Variants in KIF19 observed in about 807,000 individuals in gnomAD.
The protein encoded by KIF19 is kinesin family member 19, also known as kinesin-like protein KIF19.
A neutral mutation model predicts 106.6 loss-of-function variants in KIF19; 98 were observed. That is an observed-to-expected ratio of 0.92 (90% confidence interval 0.78 to 1.09). The LOEUF (loss-of-function observed/expected upper bound fraction) is 1.09. Among genes scored for constraint, KIF19 ranks in the 50% least tolerant of loss-of-function variants. The pLI is 0.00. For synonymous variants in KIF19, 516 were observed against 584.2 expected, an observed-to-expected ratio of 0.88 and a Z score of 1.68; for missense variants, 1,373 against 1,414.3, an observed-to-expected ratio of 0.97 and a Z score of 0.47.
chr17:74,332,230 G>GTA (rs2054115146), intron 2 of KIF19, among the ~76,000 whole-genome samples: 1 of 133,244 alleles, frequency 7.5e-6, no homozygotes, highest in African/African-American at 2.8e-5. Flanking sequence ...GTGTGTGTGT[G>GTA]TGTGTGTGTG....
At chr17:74,348,422 C>T (rs980020208) in intron 9 of KIF19, among the ~76,000 whole-genome samples, 9 of 152,266 alleles carry the variant, frequency 5.9e-5, no homozygotes, top group Admixed American at 2.6e-4. Flanking sequence ...TTTCCAAGTC[C>T]GTGTCCTCAC....
chr17:74,353,072 G>T (rs2054765295), intron 15 of KIF19, 118 bp downstream of exon 15: 1 of 1,443,708 alleles, frequency 6.9e-7, no homozygotes, highest in Admixed American at 2.0e-5. Flanking sequence ...GGTGGCCCAG[G>T]TCTGGAGCCA....
intron 2 of KIF19, among the ~76,000 whole-genome samples, chr17:74,340,555 G>GCACACACA: frequency 4.5e-4 from 67 of 148,298 alleles, no homozygotes; most frequent in Admixed American, 2.2e-3. Context: ...ATGCGCGCGC[G>GCACACACA]TACACACACA....
chr17:74,339,507 C>T (rs4789650), intron 2 of KIF19, among the ~76,000 whole-genome samples: 49,522 of 149,648 alleles, frequency 0.33, 9,149 homozygotes, highest in Admixed American at 0.51. Flanking sequence ...CTACCTCCCT[C>T]GCCCCCTTCC....
intron 2 of KIF19, among the ~76,000 whole-genome samples, chr17:74,339,732 C>T (rs1262458557): frequency 6.6e-6 from 1 of 152,230 alleles, no homozygotes; most frequent in Non-Finnish European, 1.5e-5. Context: ...GCCAGGACCC[C>T]AGGGAGCCCA....
Position 74,350,543 on chromosome 17 carries a change from T to A in KIF19, c.1356T>A (p.Ile452=). 1 of 1,612,910 alleles carries A rather than the reference T, an allele frequency of 6.2e-7. No individual in the cohort carries two copies. The highest frequency in any genetic ancestry group is 8.5e-7 in the Non-Finnish European group (1 of 1,179,830). Residue 452 remains isoleucine, a synonymous_variant, in exon 11 of 20, where the codon ATT becomes ATA. Transcript: ENST00000389916. ...ELENRAMEVQ[I]DTSRHLLTIA... ...AGAACCGCGCCATGGAGGTCCAGAT[T>A]GACACCTCCCGACACCTGCTCACCA...
In KIF19 at chr17:74,344,321, C is replaced by T. The variant is rs984257377; in HGVS notation, c.555C>T (p.Thr185=). ...GGGTGATCCAGGTGGCCGGCATCAC[C>T]GAAGTCTCCACCATCAATGCCAAGG... ...SKGVIQVAGI[T]EVSTINAKEI... Residue 185 remains threonine, a synonymous_variant, in exon 6 of 20, where the codon ACC becomes ACT. Transcript: ENST00000389916. 22 of 1,612,644 alleles carry T rather than the reference C, an allele frequency of 1.4e-5. No individual in the cohort carries two copies. The highest frequency in any genetic ancestry group is 5.0e-5 in the Admixed American group (3 of 59,960).
chr17:74,342,227 G>A (rs935419727), intron 3 of KIF19, among the ~76,000 whole-genome samples: 4 of 152,338 alleles, frequency 2.6e-5, no homozygotes, highest in South Asian at 4.1e-4. Context: ...GGTACAACTC[G>A]CTTGGCTCCT....
At chr17:74,352,602 T>C (rs11655890) in intron 14 of KIF19, among the ~76,000 whole-genome samples, 114,737 of 152,068 alleles carry the variant, frequency 0.75, 43,592 homozygotes, top group Non-Finnish European at 0.8. Context: ...CACAAATGGC[T>C]CCAGCTGCCC....
At position 74,354,148 on chromosome 17, in the gene KIF19, G is replaced by A. The variant is rs755799283; in HGVS notation, c.2309-14G>A. On this transcript the variant is annotated splice_polypyrimidine_tract_variant and intron_variant, in intron 17 of 19. Transcript: ENST00000389916. ...CTTGATCTCGGGTTGTATGTTCCCC[G>A]TGTCCCGCTGCAGAGAGGAAGGAGA... The A allele has an allele frequency of 3.5e-5, 56 of 1,592,696 alleles. No homozygotes were observed. Among genetic ancestry groups the A allele is most frequent in the South Asian group, 4.5e-5 (4 of 88,334 alleles).
chr17:74,350,935 T>C, intron 12 of KIF19, 30 bp downstream of exon 12: 1 of 1,607,712 alleles, frequency 6.2e-7, no homozygotes, highest in Non-Finnish European at 8.5e-7. Context: ...ACAAGGAGAG[T>C]GGGTTTAGGG....
At chr17:74,355,098 A>G in intron 19 of KIF19, 84 bp from the exon 20 acceptor site, 3 of 1,545,222 alleles carry the variant, frequency 1.9e-6, no homozygotes, top group Non-Finnish European at 2.6e-6. Context: ...TGGTGCCCCT[A>G]GAGAGTTCAA....
At chr17:74,332,589 C>G (rs919977478) in intron 2 of KIF19, among the ~76,000 whole-genome samples, 4 of 152,192 alleles carry the variant, frequency 2.6e-5, no homozygotes, top group Admixed American at 6.5e-5. Context: ...CTGCCACCCC[C>G]CTCTGCTCCC....
rs534125965 is a variant in KIF19, at chr17:74,354,212, C to T, written c.2359C>T (p.Arg787Trp). 10 of 1,609,308 alleles carry T rather than the reference C, an allele frequency of 6.2e-6. No homozygotes were observed. The highest frequency in any genetic ancestry group is 2.2e-5 in the East Asian group (1 of 44,852). The change falls in exon 18 of 20, where the codon CGG becomes TGG. Residue 787 changes from arginine to tryptophan, a missense_variant. Transcript: ENST00000389916. ...GTKCIWVKAA[R>W]RRSRALGTEG... ...CAAGTGCATCTGGGTGAAGGCCGCC[C>T]GGCGGCGCTCGCGGGCCCTGGGAAC...
At chr17:74,348,862 G>A (rs2054607445) in intron 9 of KIF19, 1 of 343,448 alleles carries the variant, frequency 2.9e-6, no homozygotes, top group Admixed American at 4.6e-5. Flanking sequence ...TGGTGGGTAT[G>A]GGGAGAGCAG....
chr17:74,355,104 T>A, intron 19 of KIF19, 78 bp from the exon 20 acceptor site: 6 of 1,546,700 alleles, frequency 3.9e-6, no homozygotes, highest in Non-Finnish European at 5.3e-6. Context: ...CCCTAGAGAG[T>A]TCAAGGCCAC....
intron 9 of KIF19, chr17:74,348,922 G>A (rs1287698634): frequency 1.9e-6 from 1 of 516,782 alleles, no homozygotes; most frequent in African/African-American, 2.0e-5. Flanking sequence ...GGTGAGCCCA[G>A]AGAAAATCAG....
chr17:74,340,556 T>TGCACACACACACAC (rs911954178), intron 2 of KIF19, among the ~76,000 whole-genome samples: 18 of 151,788 alleles, frequency 1.2e-4, no homozygotes, highest in Non-Finnish European at 2.1e-4. Context: ...TGCGCGCGCG[T>TGCACACACACACAC]ACACACACAC....
At chr17:74,326,480 C>T (rs1480155099) in intron 1 of KIF19, 92 bp downstream of exon 1, 1 of 1,252,212 alleles carries the variant, frequency 8.0e-7, no homozygotes, top group Non-Finnish European at 1.2e-6. Context: ...CGCCGCCACC[C>T]CACTGAGAGG....
Sources: gnomAD v4.1 joint callset for allele counts (sites outside exome capture counted in the v4.1 genomes callset) on GRCh38, gnomAD v4.1.1 for gene constraint, MANE v1.5 for transcripts, NCBI Gene and HGNC (gene_info 2026-07-23, HGNC 2026-07-21) for gene names.